Variants in NOTCH4 observed in about 807,000 individuals in gnomAD.
The protein encoded by NOTCH4 is notch receptor 4, also known as neurogenic locus notch homolog protein 4.
A neutral mutation model predicts 189.0 loss-of-function variants in NOTCH4; 138 were observed. That is an observed-to-expected ratio of 0.73 (90% CI 0.64 to 0.84). NOTCH4 has a LOEUF of 0.84. Ranked by LOEUF, NOTCH4 falls within the 40% of genes least tolerant of loss-of-function variation. The pLI is 0.00. For missense variants in NOTCH4, 2,286 were observed against 2,605.4 expected (o/e 0.88, Z 2.67); for synonymous variants, 942 against 1,032.8 (o/e 0.91, Z 1.69).
intron 12 of NOTCH4, 103 bp downstream of exon 12, chr6:32,215,123 T>C (rs1789315856): frequency 6.4e-6 from 7 of 1,092,276 alleles, no homozygotes; most frequent in South Asian, 1.7e-5. Flanking sequence ...CTTTTCCCCA[T>C]TGGTCATTTC....
At position 32,196,337 on chromosome 6, in the gene NOTCH4, G is replaced by A. The variant is rs749726670; in HGVS notation, c.5285C>T (p.Ala1762Val). ...GTCCCATCTAACCCTGTTGTCCTGG[G>A]CATCTTTATCGGCTCCGGCCTGGAG... Reference protein sequence around the residue: ...SLLQAGADKDAQDNREQTPLF... With the variant: ...SLLQAGADKDVQDNREQTPLF... Residue 1762 changes from alanine to valine, a missense_variant, in exon 29 of 30, where the codon GCC (alanine) becomes GTC (valine). Physicochemically the swap from Ala to Val is moderately conservative, Grantham distance 64 (BLOSUM62 0). This residue lies in a region of NOTCH4 where 383 missense variants were observed against 343.5 expected (regional missense o/e 1.11). Coordinates refer to ENST00000375023, the MANE Select transcript of NOTCH4 (RefSeq NM_004557.4). 2 of 1,613,144 alleles carry A rather than the reference G, an allele frequency of 1.2e-6. No individual in the cohort carries two copies. The highest frequency in any genetic ancestry group is 1.7e-5 in the Admixed American group (1 of 60,030).
chr6:32,215,194 G>A, intron 12 of NOTCH4, 32 bp downstream of exon 12: 1 of 1,548,694 alleles, frequency 6.5e-7, no homozygotes, highest in Non-Finnish European at 8.7e-7. Flanking sequence ...CCCAAAGGAG[G>A]GGGCAGATGG....
Position 32,195,903 on chromosome 6 carries a change from CT to C in NOTCH4, c.5545del (p.Ser1849AlafsTer36). 6.3e-7 allele frequency: 1 copy of C among 1,587,440 alleles called. No individual in the cohort carries two copies. Among genetic ancestry groups the C allele is most frequent in the Non-Finnish European group, 8.5e-7 (1 of 1,174,428 alleles). On this transcript the variant is annotated frameshift_variant, in exon 30 of 30. Transcript: ENST00000375023. LOFTEE classifies it low-confidence loss of function (END_TRUNC). This position sits in a 1 kb window ranked among gnomAD's most constrained non-coding sequence, Gnocchi z 5.4. ...PFPRARTVSV[S>X]VPPHGGGALP... The stretch of plus-strand genomic sequence containing the variant: ...AGCCCCGCCCCCATGCGGGGGCACG[CT>C]TACTGACACCGTCCGTGCGCGCGGG...
At chr6:32,220,700 G>T (rs1453322347) in intron 5 of NOTCH4, 56 bp downstream of exon 5, 2 of 1,612,712 alleles carry the variant, frequency 1.2e-6, no homozygotes, top group African/African-American at 2.7e-5. Flanking sequence ...AGTAGGGGAG[G>T]CCAGGGGCCA....
At chr6:32,207,476 TA>T (rs890355186) in intron 18 of NOTCH4, among the ~76,000 whole-genome samples, 1 of 149,772 alleles carries the variant, frequency 6.7e-6, no homozygotes. Context: ...TTACAAAAAT[TA>T]GCCGGGCGTA....
chr6:32,223,804 T>G, intron 1 of NOTCH4, 52 bp downstream of exon 1: 1 of 1,562,168 alleles, frequency 6.4e-7, no homozygotes, highest in Non-Finnish European at 8.7e-7. Context: ...ACCCCACTGA[T>G]CATCCTCCTA....
At position 32,201,613 on chromosome 6, in the gene NOTCH4, G is replaced by A. The variant is rs2127466300; in HGVS notation, c.3756-113C>T. The A allele has an allele frequency of 9.5e-7, 1 of 1,050,366 alleles. No homozygotes were observed. Among genetic ancestry groups the A allele is most frequent in the East Asian group, 2.8e-5 (1 of 35,950 alleles). The allele number at this position is 1,050,366 out of a possible 1,614,324, so 65.1% of individuals were successfully genotyped here. A position where few individuals can be genotyped will look rare whatever the true frequency, so the allele number is the denominator to read the frequency against. ...CTCTAGGGCTTTGGTTGCTAAGTGG[G>A]GGCAGCTGTGGAGCAATGAGCTTAG... On this transcript the variant is annotated intron_variant, in intron 21 of 29. Coordinates refer to ENST00000375023, the MANE Select transcript of NOTCH4 (RefSeq NM_004557.4). The surrounding 1 kb of genome is among the most constrained non-coding windows in gnomAD (Gnocchi z 5.5).
chr6:32,195,482 GGC>G lies in NOTCH4; in HGVS notation c.5965_5966del (p.Ala1989ProfsTer13). 2 of 1,612,274 alleles carry G rather than the reference GGC, an allele frequency of 1.2e-6. No homozygotes were observed. Among genetic ancestry groups the G allele is most frequent in the South Asian group, 2.2e-5 (2 of 91,036 alleles). ...CTTGGTTTATGGGCATTTCTTGGAGGGCTGGGGGACCACAGTCAAGTTGAGGT... is the reference window on the plus strand; with the variant it reads ...CTTGGTTTATGGGCATTTCTTGGAGGTGGGGGACCACAGTCAAGTTGAGGT... ...GSPQLDCGPPALQEMPINQGG... is the reference protein window; with the variant it reads ...GSPQLDCGPPXLQEMPINQGG... On this transcript the variant is annotated frameshift_variant, in exon 30 of 30. Coordinates refer to ENST00000375023, the MANE Select transcript of NOTCH4 (RefSeq NM_004557.4). LOFTEE classifies it low-confidence loss of function (END_TRUNC). The surrounding 1 kb of genome is among the most constrained non-coding windows in gnomAD (Gnocchi z 5.4).
At chr6:32,203,968 T>A in intron 19 of NOTCH4, 86 bp from the exon 20 acceptor site, 1 of 1,436,436 alleles carries the variant, frequency 7.0e-7, no homozygotes, top group South Asian at 1.2e-5. Flanking sequence ...GGCCCAGTGC[T>A]AGATGTGCAG....
intron 20 of NOTCH4, chr6:32,203,050 C>T (rs1181480770): frequency 1.3e-5 from 2 of 152,932 alleles, no homozygotes; most frequent in Non-Finnish European, 2.9e-5. Flanking sequence ...GGATTACAGC[C>T]ATGCACCACC....
At chr6:32,218,740 T>G (rs1282767242) in intron 8 of NOTCH4, among the ~76,000 whole-genome samples, 2 of 152,230 alleles carry the variant, frequency 1.3e-5, no homozygotes, top group African/African-American at 4.8e-5. Flanking sequence ...CTCTTATTTC[T>G]CTATGATTGT....
In NOTCH4 at chr6:32,195,552, G is replaced by A. The variant is rs773565996; in HGVS notation, c.5897C>T (p.Pro1966Leu). The A allele has an allele frequency of 6.2e-7, 1 of 1,613,106 alleles. No individual in the cohort carries two copies. Among genetic ancestry groups the A allele is most frequent in the East Asian group, 2.2e-5 (1 of 44,888 alleles). ...LGACGSASNI[P>L]IPPPCLTPSP... is the part of the protein sequence containing the mutation. ...CGGAGTAAGGCAAGGAGGCGGGATC[G>A]GAATGTTGGAGGCAGAACCGCAAGC... The change falls in exon 30 of 30, where the codon CCG becomes CTG. Residue 1966 changes from proline (P) to leucine (L), a missense_variant. Coordinates refer to ENST00000375023, the MANE Select transcript of NOTCH4 (RefSeq NM_004557.4). The surrounding 1 kb of genome is among the most constrained non-coding windows in gnomAD (Gnocchi z 5.4).
At chr6:32,219,452 C>T (rs1003686428) in intron 8 of NOTCH4, 140 bp downstream of exon 8, 8 of 761,002 alleles carry the variant, frequency 1.1e-5, no homozygotes, top group African/African-American at 3.5e-5. Context: ...CCTGAGTTTT[C>T]GTCTGGGGGT....
intron 18 of NOTCH4, 52 bp from the exon 19 acceptor site, chr6:32,204,441 A>C (rs1788552668): frequency 1.3e-6 from 2 of 1,585,618 alleles, no homozygotes; most frequent in Non-Finnish European, 8.6e-7. Flanking sequence ...CCAACCCAGC[A>C]CTACAAGGGA....
Position 32,203,750 on chromosome 6 carries a change from G to C in NOTCH4, c.3231+20C>G. On this transcript the variant is annotated intron_variant, in intron 20 of 29. Coordinates refer to ENST00000375023, the MANE Select transcript of NOTCH4 (RefSeq NM_004557.4). ...GTCAGCATAGGGGGCAACAGAGAAGGCAGATTTGTGGTCACTTGCCTTGGG... is the reference window on the plus strand; with the variant it reads ...GTCAGCATAGGGGGCAACAGAGAAGCCAGATTTGTGGTCACTTGCCTTGGG... 1 of 1,535,688 alleles carries C rather than the reference G, an allele frequency of 6.5e-7. No individual in the cohort carries two copies. Among genetic ancestry groups the C allele is most frequent in the Non-Finnish European group, 8.8e-7 (1 of 1,134,446 alleles).
At chr6:32,197,107 C>T (rs1156407506) in intron 27 of NOTCH4, 35 bp from the exon 28 acceptor site, 8 of 1,606,078 alleles carry the variant, frequency 5.0e-6, no homozygotes, top group Non-Finnish European at 6.8e-6. Flanking sequence ...CCCTGGGGTA[C>T]CTTGGACTGC....
intron 18 of NOTCH4, among the ~76,000 whole-genome samples, chr6:32,209,121 A>G (rs1191648185): frequency 6.6e-6 from 1 of 152,256 alleles, no homozygotes; most frequent in Non-Finnish European, 1.5e-5. Context: ...AAACTGAAGG[A>G]CATTATGTTA....
rs1304437370 is a variant in NOTCH4 at position 32,202,538 on chromosome 6, T to G, written c.3293A>C (p.His1098Pro). The G allele has an allele frequency of 6.2e-7, 1 of 1,608,036 alleles. No individual in the cohort carries two copies. Among genetic ancestry groups the G allele is most frequent in the African/African-American group, 1.3e-5 (1 of 74,776 alleles). The change falls in exon 21 of 30, where the codon CAC becomes CCC. Residue 1098 changes from histidine to proline, a missense_variant. This residue lies in a region of NOTCH4 where 1,903 missense variants were observed against 2,261.9 expected (regional missense o/e 0.84). Transcript: ENST00000375023. The surrounding 1 kb of genome is among the most constrained non-coding windows in gnomAD (Gnocchi z 5.7). ...AGGGGAGGGCAGACACAGGCCTCCG[T>G]GGTGGCAGTGATGGAAGCCGCAGGA... is the stretch of plus-strand genomic sequence containing the variant. ...APSCGFHHCH[H>P]GGLCLPSPKP...
rs759295868 is a variant in NOTCH4 at position 32,213,789 on chromosome 6, T to C, written c.2219A>G (p.Asn740Ser). Reference protein sequence around the residue: ...MTACHSGPCLNGGSCNPSPGG... With the variant: ...MTACHSGPCLSGGSCNPSPGG... Reference sequence around the variant, plus strand: ...AGGGCTAGGGTTGCAGGAGCCGCCATTGAGACATGGCCCTGAGTGACAAGC... The same window carrying C: ...AGGGCTAGGGTTGCAGGAGCCGCCACTGAGACATGGCCCTGAGTGACAAGC... Residue 740 changes from asparagine to serine, a missense_variant, in exon 14 of 30, where the codon AAT (asparagine) becomes AGT (serine). Asn to Ser is a conservative substitution (Grantham distance 46). Around this residue, in one of 2 missense-constraint regions of NOTCH4, gnomAD observed 1,903 missense variants for 2,261.9 expected, o/e 0.84. Transcript: ENST00000375023. 4 of 1,612,124 alleles carry C rather than the reference T, an allele frequency of 2.5e-6. No individual in the cohort carries two copies. The highest frequency in any genetic ancestry group is 3.4e-6 in the Non-Finnish European group (4 of 1,179,910).
Sources: allele counts gnomAD v4.1 joint callset (sites outside exome capture counted in the v4.1 genomes callset), GRCh38; gene constraint gnomAD v4.1.1; regional missense constraint gnomAD v4.1.1; non-coding constraint Gnocchi (gnomAD v3.1); transcripts MANE v1.5; gene names NCBI Gene and HGNC (gene_info 2026-07-23, HGNC 2026-07-21).